The following WDR75 variants were observed in gnomAD, a reference collection of about 807,000 sequenced individuals.
The protein encoded by WDR75 is WD repeat domain 75, also known as WD repeat-containing protein 75.
Under a neutral mutation model 106.1 loss-of-function variants are expected in WDR75, and 52 were observed. The observed-to-expected ratio is 0.49, with a 90% CI of 0.39 to 0.62. The LOEUF is 0.62. Ranked by LOEUF, WDR75 falls within the 20% of genes least tolerant of loss-of-function variation. The pLI is 0.00. For missense variants in WDR75, 905 were observed against 970.3 expected (o/e 0.93, Z 0.89); for synonymous variants, 333 against 335.5 (o/e 0.99, Z 0.08).
At position 189,474,717 on chromosome 2, in the gene WDR75, C is replaced by T; in HGVS notation, c.2197C>T (p.Leu733Phe). The T allele has an allele frequency of 6.2e-7, 1 of 1,613,608 alleles. No individual in the cohort carries two copies. Among genetic ancestry groups the T allele is most frequent in the Non-Finnish European group, 8.5e-7 (1 of 1,179,664 alleles). Residue 733 changes from leucine (L) to phenylalanine (F), a missense_variant and splice_region_variant, in exon 20 of 21, where the codon CTT (leucine) becomes TTT (phenylalanine). Physicochemically the swap from Leu to Phe is conservative, Grantham distance 22 (BLOSUM62 0). Coordinates refer to ENST00000314761, the MANE Select transcript of WDR75 (RefSeq NM_032168.3). ...AACCGTGTTTTCTGTTTGACTCCAG[C>T]TTCTTCACACTCCAGCCCATGTCCT... ...LTENIPAISE[L>F]LHTPAHVLPS...
intron 2 of WDR75, 154 bp from the exon 3 acceptor site, chr2:189,450,749 T>C: frequency 7.0e-7 from 1 of 1,428,052 alleles, no homozygotes; most frequent in African/African-American, 1.5e-5. Flanking sequence ...AAAGATTGTT[T>C]TGCAGAAGCA....
rs767798155 is a variant in WDR75, at chr2:189,458,899, G to A, written c.689+27G>A. The A allele has an allele frequency of 1.9e-5, 30 of 1,588,212 alleles. No individual in the cohort carries two copies. In the Middle Eastern group the frequency reaches 8.4e-4, roughly 45 times the overall value. ...TCAGTTTGCTCATGAAGAGCATGGC[G>A]ATCATTTATGTACTATTTTACGTTA... On this transcript the variant is annotated intron_variant, in intron 7 of 20. Coordinates refer to ENST00000314761, the MANE Select transcript of WDR75 (RefSeq NM_032168.3).
intron 3 of WDR75, 36 bp from the exon 4 acceptor site, chr2:189,451,769 C>G (rs781781569): frequency 6.4e-7 from 1 of 1,570,034 alleles, no homozygotes; most frequent in East Asian, 2.2e-5. Flanking sequence ...CTGGAGGGAA[C>G]AGACAGTAAA....
Position 189,467,663 on chromosome 2 carries a change from G to T in WDR75, c.1628+15G>T. 1.3e-6 allele frequency: 2 copies of T among 1,583,556 alleles called. No individual in the cohort carries two copies. The highest frequency in any genetic ancestry group is 2.4e-5 in the South Asian group (2 of 84,926). ...GGGAAAATAAGGTAGGTAAATCTTC[G>T]GGAAGTATGTAGTACTATTTTTTAA... On this transcript the variant is annotated intron_variant, in intron 14 of 20. Coordinates refer to ENST00000314761, the MANE Select transcript of WDR75 (RefSeq NM_032168.3).
Position 189,475,422 on chromosome 2 carries a change from T to C in WDR75, c.*5T>C, listed in dbSNP as rs765398343. 3.8e-6 allele frequency: 6 copies of C among 1,577,258 alleles called. No individual in the cohort carries two copies. The highest frequency in any genetic ancestry group is 2.7e-5 in the African/African-American group (2 of 73,546). ...AGCTGGATAGCTGCCCTTTAAGCCT[T>C]GGAGATGGGGAGGATCCTTGGACTT... On this transcript the variant is annotated 3_prime_UTR_variant, in exon 21 of 21. Coordinates refer to ENST00000314761, the MANE Select transcript of WDR75 (RefSeq NM_032168.3).
At chr2:189,471,686 G>T (rs1003908524) in intron 18 of WDR75, among the ~76,000 whole-genome samples, 4 of 152,226 alleles carry the variant, frequency 2.6e-5, no homozygotes, top group African/African-American at 9.6e-5. Context: ...TGGACTGATT[G>T]CTCTGGAAAC....
chr2:189,464,016 G>A (rs1686952026), intron 11 of WDR75, 55 bp downstream of exon 11: 2 of 1,430,940 alleles, frequency 1.4e-6, no homozygotes, highest in African/African-American at 1.4e-5. Context: ...CAGTACCACT[G>A]GAGTCAAGCA....
intron 1 of WDR75, among the ~76,000 whole-genome samples, chr2:189,442,478 TCTCA>T (rs1228969909): frequency 9.3e-6 from 1 of 107,544 alleles, no homozygotes; most frequent in Non-Finnish European, 1.8e-5. Flanking sequence ...TGATGCAGAA[TCTCA>T]CTCTGTCACC....
Position 189,459,433 on chromosome 2 carries a change from G to A in WDR75, c.778+9G>A, listed in dbSNP as rs754307461. The A allele has an allele frequency of 1.7e-5, 27 of 1,602,782 alleles. No individual in the cohort carries two copies. The highest frequency in any genetic ancestry group is 2.2e-5 in the Non-Finnish European group (26 of 1,173,702). On this transcript the variant is annotated intron_variant, in intron 8 of 20. Coordinates refer to ENST00000314761, the MANE Select transcript of WDR75 (RefSeq NM_032168.3). ...GGCTTTTTCAGTGACAGGTAAGTGC[G>A]GGTTTAATTATTAAAATGAACTTTT... is the stretch of plus-strand genomic sequence containing the variant.
At chr2:189,474,006 A>G (rs1195651176) in intron 18 of WDR75, among the ~76,000 whole-genome samples, 180 bp from the exon 19 acceptor site, 3 of 152,192 alleles carry the variant, frequency 2.0e-5, no homozygotes, top group African/African-American at 4.8e-5. Context: ...AGCTCTTCTC[A>G]TAAGTGGGAT....
intron 9 of WDR75, 131 bp from the exon 10 acceptor site, chr2:189,463,557 AAATAAT>A (rs112645995): frequency 1.8e-5 from 13 of 714,850 alleles, no homozygotes; most frequent in South Asian, 9.8e-5. Context: ...GATGAGCTAA[AAATAAT>A]AATAATAATA....
In WDR75 at chr2:189,460,011, C is replaced by T. The variant is rs576525515; in HGVS notation, c.778+587C>T. On this transcript the variant is annotated intron_variant, in intron 8 of 20. Coordinates refer to ENST00000314761, the MANE Select transcript of WDR75 (RefSeq NM_032168.3). ...CATTTAAGCTGCATGACTTCTGTCA[C>T]AGCTTTGTGTAGTGTAGCTATAGCG... Among the ~76,000 whole-genome samples the T allele has an allele frequency of 7.6e-4, 115 of 152,310 alleles. 1 individual carries two copies. The highest frequency in any genetic ancestry group is 2.7e-3 in the African/African-American group (114 of 41,562).
chr2:189,453,533 T>C (rs1466516970), intron 4 of WDR75, among the ~76,000 whole-genome samples: 1 of 152,202 alleles, frequency 6.6e-6, no homozygotes, highest in Non-Finnish European at 1.5e-5. Flanking sequence ...CTGAAAAATT[T>C]CTCAGTTGTG....
At chr2:189,454,493 C>T (rs530746188) in intron 4 of WDR75, among the ~76,000 whole-genome samples, 78 of 152,006 alleles carry the variant, frequency 5.1e-4, no homozygotes, top group Non-Finnish European at 9.9e-4. Context: ...ATGTAAAATG[C>T]ACCAGTAAGA....
At chr2:189,459,741 G>A (rs1686821678) in intron 8 of WDR75, among the ~76,000 whole-genome samples, 1 of 152,114 alleles carries the variant, frequency 6.6e-6, no homozygotes, top group South Asian at 2.1e-4. Context: ...TAGCTTATCA[G>A]GTGCAAGTAA....
Position 189,470,255 on chromosome 2 carries a change from TC to T in WDR75, c.1989+13del, listed in dbSNP as rs769239767. ...CCTAACAAAATCACAGGTAACTGCC[TC>T]CCTCAAAAAAGGCGATCACTTTGTA... On this transcript the variant is annotated intron_variant, in intron 17 of 20. Transcript: ENST00000314761. 6.2e-7 allele frequency: 1 copy of T among 1,607,646 alleles called. No individual in the cohort carries two copies. The highest frequency in any genetic ancestry group is 1.7e-5 in the Admixed American group (1 of 58,978).
intron 3 of WDR75, 131 bp from the exon 4 acceptor site, chr2:189,451,674 G>C (rs947339957): frequency 1.4e-6 from 1 of 700,412 alleles, no homozygotes; most frequent in Non-Finnish European, 2.4e-6. Context: ...GTTGTCTTCT[G>C]TAGGCCAGGT....
chr2:189,464,595 G>A (rs926051591), intron 11 of WDR75, among the ~76,000 whole-genome samples: 1 of 151,982 alleles, frequency 6.6e-6, no homozygotes, highest in Non-Finnish European at 1.5e-5. Context: ...TATTTACTTA[G>A]TATAGGCAAG....
chr2:189,450,875 T>A, intron 2 of WDR75, 28 bp from the exon 3 acceptor site: 5 of 1,595,364 alleles, frequency 3.1e-6, no homozygotes, highest in Non-Finnish European at 4.3e-6. Flanking sequence ...TTTTTTTAAA[T>A]CAATTTTGTA....
Sources: allele counts gnomAD v4.1 joint callset (sites outside exome capture counted in the v4.1 genomes callset), GRCh38; gene constraint gnomAD v4.1.1; transcripts MANE v1.5; gene names NCBI Gene and HGNC (gene_info 2026-07-23, HGNC 2026-07-21).